Variants in MYO3B observed in about 807,000 individuals in gnomAD.
MYO3B encodes myosin-IIIb.
MYO3B carries 156 observed loss-of-function variants against 174.6 expected under a neutral mutation model. The observed-to-expected ratio is 0.89, with a 90% confidence interval of 0.78 to 1.02. The LOEUF is 1.02. MYO3B is among the 50% of genes least tolerant of loss of function. The pLI is 0.00. For synonymous variants in MYO3B, 563 were observed against 569.1 expected, an observed-to-expected ratio of 0.99 and a Z score of 0.15; for missense variants, 1,632 against 1,639.4, an observed-to-expected ratio of 1.00 and a Z score of 0.08.
intron 1 of MYO3B, among the ~76,000 whole-genome samples, chr2:170,184,076 G>A (rs1205345500): frequency 6.6e-6 from 1 of 151,648 alleles, no homozygotes; most frequent in Non-Finnish European, 1.5e-5. Flanking sequence ...GTTTTTGTGG[G>A]TACATAATAG....
chr2:170,442,224 T>C (rs1469483887), intron 22 of MYO3B, among the ~76,000 whole-genome samples: 1 of 152,216 alleles, frequency 6.6e-6, no homozygotes, highest in Non-Finnish European at 1.5e-5. Flanking sequence ...AGCTCTAATA[T>C]TTTGTATTCC....
chr2:170,277,866 G>A (rs532344645), intron 7 of MYO3B, among the ~76,000 whole-genome samples: 132 of 152,064 alleles, frequency 8.7e-4, no homozygotes, highest in Non-Finnish European at 1.1e-3. Flanking sequence ...TTCCCCTGTA[G>A]CATTTAAGGG....
At chr2:170,617,046 G>A (rs1695510055) in intron 32 of MYO3B, among the ~76,000 whole-genome samples, 1 of 152,126 alleles carries the variant, frequency 6.6e-6, no homozygotes, top group Non-Finnish European at 1.5e-5. Flanking sequence ...AATTTGATTA[G>A]CCAATTTTTG....
chr2:170,635,084 C>T (rs1415567239), intron 32 of MYO3B, among the ~76,000 whole-genome samples: 1 of 152,186 alleles, frequency 6.6e-6, no homozygotes. Flanking sequence ...ACTAGAAATA[C>T]CATTTGACCC....
intron 7 of MYO3B, among the ~76,000 whole-genome samples, chr2:170,262,634 TCA>T (rs1402197209): frequency 6.6e-6 from 1 of 152,094 alleles, no homozygotes; most frequent in South Asian, 2.1e-4. Context: ...CAGGAAGAAA[TCA>T]AAGCTGATCC....
At chr2:170,354,622 C>A (rs184016418) in intron 8 of MYO3B, among the ~76,000 whole-genome samples, 3 of 152,214 alleles carry the variant, frequency 2.0e-5, no homozygotes, top group Non-Finnish European at 2.9e-5. Context: ...TCCCCCTCCC[C>A]CTTCTTTCCC....
intron 32 of MYO3B, among the ~76,000 whole-genome samples, chr2:170,645,057 T>C (rs1322754930): frequency 6.6e-6 from 1 of 152,202 alleles, no homozygotes; most frequent in Non-Finnish European, 1.5e-5. Context: ...AAGGAGGTAG[T>C]TGCCAATGTA....
At chr2:170,319,722 T>C (rs73016922) in intron 7 of MYO3B, among the ~76,000 whole-genome samples, 1 of 152,128 alleles carries the variant, frequency 6.6e-6, no homozygotes, top group Non-Finnish European at 1.5e-5. Flanking sequence ...ATTGAGACCT[T>C]TACACATCCT....
At chr2:170,186,201 C>T (rs1305327931) in intron 1 of MYO3B, among the ~76,000 whole-genome samples, 2 of 152,190 alleles carry the variant, frequency 1.3e-5, no homozygotes, top group East Asian at 1.9e-4. Context: ...GCATCCTTGT[C>T]ATATTCCAGA....
At chr2:170,511,076 T>G (rs1687950500) in intron 28 of MYO3B, among the ~76,000 whole-genome samples, 1 of 151,616 alleles carries the variant, frequency 6.6e-6, no homozygotes, top group Non-Finnish European at 1.5e-5. Context: ...TTTTTTTTTT[T>G]TGAGACGGAG....
intron 32 of MYO3B, among the ~76,000 whole-genome samples, chr2:170,642,925 T>C (rs1698088229): frequency 6.6e-6 from 1 of 152,180 alleles, no homozygotes; most frequent in Non-Finnish European, 1.5e-5. Context: ...ATGTAGATTA[T>C]TGGTAGACTT....
intron 32 of MYO3B, among the ~76,000 whole-genome samples, chr2:170,638,386 T>G (rs1697698780): frequency 6.6e-6 from 1 of 152,230 alleles, no homozygotes; most frequent in Non-Finnish European, 1.5e-5. Flanking sequence ...AGCTGTGCTC[T>G]TTGAATGAAT....
chr2:170,581,853 T>C (rs970738985), intron 32 of MYO3B, among the ~76,000 whole-genome samples: 2 of 152,216 alleles, frequency 1.3e-5, no homozygotes, highest in Non-Finnish European at 2.9e-5. Context: ...TAATAAGCTA[T>C]CTTCTCAGGC....
chr2:170,541,514 A>G (rs1690104168), intron 30 of MYO3B, among the ~76,000 whole-genome samples: 1 of 152,238 alleles, frequency 6.6e-6, no homozygotes, highest in African/African-American at 2.4e-5. Context: ...TGTATGATAG[A>G]TACAATTAAA....
At position 170,561,388 on chromosome 2, in the gene MYO3B, C is replaced by T. The variant is rs184851878; in HGVS notation, c.3733+17400C>T. On this transcript the variant is annotated intron_variant, in intron 32 of 34. Coordinates refer to ENST00000408978, the MANE Select transcript of MYO3B (RefSeq NM_138995.5). ...TACCCAGAGGATTCTAAACATTGCC[C>T]TTAGAGTGACAATCTTTTCTTCAGC... is the stretch of plus-strand genomic sequence containing the variant. Among the ~76,000 whole-genome samples the T allele has an allele frequency of 7.5e-4, 114 of 152,294 alleles. No individual in the cohort carries two copies. The East Asian group carries it at 8.1e-3, about 11-fold the overall frequency.
At chr2:170,610,448 C>T (rs1695068941) in intron 32 of MYO3B, among the ~76,000 whole-genome samples, 1 of 152,170 alleles carries the variant, frequency 6.6e-6, no homozygotes, top group South Asian at 2.1e-4. Flanking sequence ...CATAGCAAGT[C>T]CAAGCTCTGT....
chr2:170,519,578 C>A (rs553493927), intron 30 of MYO3B, 38 bp downstream of exon 30: 12 of 1,466,732 alleles, frequency 8.2e-6, no homozygotes, highest in African/African-American at 2.8e-5. Context: ...GTTGTAAACT[C>A]AGGTGCTCCA....
At chr2:170,349,019 T>C (rs2094039620) in intron 8 of MYO3B, among the ~76,000 whole-genome samples, 1 of 152,202 alleles carries the variant, frequency 6.6e-6, no homozygotes, top group Non-Finnish European at 1.5e-5. Context: ...GTGTGATCTT[T>C]CTGAATCCCT....
chr2:170,286,738 T>C (rs1368692808), intron 7 of MYO3B, among the ~76,000 whole-genome samples: 2 of 152,078 alleles, frequency 1.3e-5, no homozygotes, highest in Non-Finnish European at 2.9e-5. Flanking sequence ...TCCAGTTAAG[T>C]TGTTTTTGTT....
Sources: allele counts gnomAD v4.1 joint callset (sites outside exome capture counted in the v4.1 genomes callset), GRCh38; gene constraint gnomAD v4.1.1; transcripts MANE v1.5; gene names NCBI Gene and HGNC (gene_info 2026-07-23, HGNC 2026-07-21).